Variants in NUP133 observed in about 807,000 individuals in gnomAD.
The protein encoded by NUP133 is nuclear pore complex protein Nup133.
Under a neutral mutation model 146.2 loss-of-function variants are expected in NUP133, and 66 were observed. That is an observed-to-expected ratio of 0.45 (90% CI 0.37 to 0.55). The LOEUF (loss-of-function observed/expected upper bound fraction) is 0.55. Among genes scored for constraint, NUP133 ranks in the 20% least tolerant of loss-of-function variants. The probability of loss-of-function intolerance (pLI) is 0.00; values close to 1 mark genes in which losing one functional copy is unlikely to be tolerated. For missense variants in NUP133, 1,277 were observed against 1,374.8 expected, an observed-to-expected ratio of 0.93 and a Z score of 1.12; for synonymous variants, 521 against 498.8, an observed-to-expected ratio of 1.04 and a Z score of -0.59.
At chr1:229,501,880 T>A in intron 3 of NUP133, 119 bp downstream of exon 3, 1 of 689,540 alleles carries the variant, frequency 1.5e-6, no homozygotes, top group South Asian at 1.9e-5. Context: ...TGCAAACTCT[T>A]AATGCCTAAG....
chr1:229,506,132 T>C lies in NUP133; in HGVS notation c.209A>G (p.His70Arg). Residue 70 changes from histidine (H) to arginine (R), a missense_variant, in exon 2 of 26, where the codon CAC becomes CGC. His to Arg is a conservative substitution (Grantham distance 29, BLOSUM62 0). Around this residue, in one of 3 missense-constraint regions of NUP133, gnomAD observed 319 missense variants for 306.9 expected, o/e 1.04. Transcript: ENST00000261396. ...SRGTPTRMFP[H>R]HSITESVNYD... ...GTTCACAGACTCAGTTATGGAGTGG[T>C]GTGGGAACATTCGTGTTGGTGTTCC... The C allele has an allele frequency of 1.2e-6, 2 of 1,611,874 alleles. No homozygotes were observed. Among genetic ancestry groups the C allele is most frequent in the Non-Finnish European group, 1.7e-6 (2 of 1,178,254 alleles).
chr1:229,485,193 T>C (rs572713460), intron 11 of NUP133, among the ~76,000 whole-genome samples: 6 of 152,294 alleles, frequency 3.9e-5, no homozygotes, highest in African/African-American at 1.2e-4. Context: ...CTTGGAAATA[T>C]CTGTGATACT....
chr1:229,502,390 TCTA>T (rs959548110), intron 2 of NUP133, among the ~76,000 whole-genome samples: 1 of 151,590 alleles, frequency 6.6e-6, no homozygotes, highest in African/African-American at 2.4e-5. Context: ...AAACTCCAAC[TCTA>T]CTAAAACTAC....
intron 19 of NUP133, 123 bp from the exon 20 acceptor site, chr1:229,460,892 T>C: frequency 8.2e-6 from 6 of 736,148 alleles, no homozygotes; most frequent in South Asian, 2.0e-5. Context: ...AATAATTTCC[T>C]ATATTGTAGG....
In NUP133 at chr1:229,446,132, C is replaced by T. The variant is rs192705330; in HGVS notation, c.3246-1130G>A. On this transcript the variant is annotated intron_variant, in intron 24 of 25. Transcript: ENST00000261396. The stretch of plus-strand genomic sequence containing the variant: ...TTGTGAGAAAGTAGTACTTGCCAGG[C>T]GCGGTGGCTCATGTCTGTAATCCCA... 3.3e-5 allele frequency among the ~76,000 whole-genome samples: 5 copies of T among 152,248 alleles called. No individual in the cohort carries two copies. The East Asian group carries it at 5.8e-4, about 18-fold the overall frequency.
At chr1:229,496,286 C>A (rs1357968455) in intron 6 of NUP133, among the ~76,000 whole-genome samples, 1 of 152,018 alleles carries the variant, frequency 6.6e-6, no homozygotes, top group African/African-American at 2.4e-5. Context: ...CCACCCTGGG[C>A]AACATGGTGA....
At chr1:229,467,521 G>C (rs931228610) in intron 15 of NUP133, among the ~76,000 whole-genome samples, 4 of 152,132 alleles carry the variant, frequency 2.6e-5, no homozygotes, top group African/African-American at 9.7e-5. Flanking sequence ...TCTTCCTTTT[G>C]CATTTCTGAT....
At chr1:229,482,287 G>C (rs1400109953) in intron 12 of NUP133, among the ~76,000 whole-genome samples, 1 of 152,114 alleles carries the variant, frequency 6.6e-6, no homozygotes, top group African/African-American at 2.4e-5. Context: ...ACACCAGTAT[G>C]AGTGGGATTA....
chr1:229,444,779 G>A, intron 25 of NUP133, 135 bp downstream of exon 25: 3 of 557,700 alleles, frequency 5.4e-6, no homozygotes, highest in South Asian at 2.6e-5. Context: ...CCCGGGAGGT[G>A]GAGGCTGCAC....
At chr1:229,449,085 G>A in intron 24 of NUP133, 41 bp downstream of exon 24, 1 of 1,473,494 alleles carries the variant, frequency 6.8e-7, no homozygotes, top group South Asian at 1.1e-5. Context: ...AGGAAAAGCA[G>A]TTTCTATACT....
chr1:229,451,665 T>C (rs533222431), intron 22 of NUP133, among the ~76,000 whole-genome samples: 2 of 152,328 alleles, frequency 1.3e-5, no homozygotes, highest in East Asian at 3.9e-4. Context: ...TGTAATCCTT[T>C]AATAGCAACA....
At chr1:229,482,961 T>C (rs776121023) in intron 12 of NUP133, among the ~76,000 whole-genome samples, 2 of 152,112 alleles carry the variant, frequency 1.3e-5, no homozygotes, top group African/African-American at 2.4e-5. Context: ...CCAAAATGAG[T>C]GAGCCTACTC....
chr1:229,469,154 C>T (rs1316971953), intron 15 of NUP133, among the ~76,000 whole-genome samples: 1 of 152,196 alleles, frequency 6.6e-6, no homozygotes, highest in Non-Finnish European at 1.5e-5. Flanking sequence ...ATAAGGAATT[C>T]CAAATTTCAC....
chr1:229,450,040 T>A (rs1038289926), intron 23 of NUP133, among the ~76,000 whole-genome samples: 1 of 147,160 alleles, frequency 6.8e-6, no homozygotes, highest in African/African-American at 2.5e-5. Context: ...ACCATACCCA[T>A]CTAATTTTTT....
chr1:229,477,679 G>A lies in NUP133; in HGVS notation c.1674C>T (p.Asp558=). 6.2e-7 allele frequency: 1 copy of A among 1,613,954 alleles called. No individual in the cohort carries two copies. Among genetic ancestry groups the A allele is most frequent in the South Asian group, 1.1e-5 (1 of 91,066 alleles). ...CTACACTGATTTGGGTAACTGCCCT[G>A]TCTAGTTCAGAATCAGAATCCAAAT... The part of the protein sequence containing the change: ...HSDLDSDSEL[D]RAVTQISVDL... The change falls in exon 13 of 26, where the codon GAC becomes GAT. Residue 558 remains aspartate, a synonymous_variant. Coordinates refer to ENST00000261396, the MANE Select transcript of NUP133 (RefSeq NM_018230.3).
chr1:229,466,996 T>TTTA (rs1660840942), intron 15 of NUP133, among the ~76,000 whole-genome samples: 4 of 151,514 alleles, frequency 2.6e-5, no homozygotes, highest in African/African-American at 9.7e-5. Context: ...TTACTGAGAT[T>TTTA]TTTAAGCGAT....
chr1:229,470,214 T>C (rs564639350), intron 15 of NUP133, among the ~76,000 whole-genome samples: 2 of 151,048 alleles, frequency 1.3e-5, no homozygotes, highest in South Asian at 4.2e-4. Flanking sequence ...GGCTAGCACC[T>C]GTAATCCCAG....
At chr1:229,500,700 C>A in intron 4 of NUP133, 56 bp downstream of exon 4, 1 of 1,021,794 alleles carries the variant, frequency 9.8e-7, no homozygotes, top group Non-Finnish European at 1.5e-6. Flanking sequence ...ATTCCTCTAA[C>A]TTTAGGATGT....
intron 19 of NUP133, among the ~76,000 whole-genome samples, chr1:229,461,869 C>G (rs1660699248): frequency 6.6e-6 from 1 of 151,624 alleles, no homozygotes; most frequent in Admixed American, 6.6e-5. Context: ...ACTAAATAAG[C>G]CATGTCCAAC....
Sources: gnomAD v4.1 joint callset for allele counts (sites outside exome capture counted in the v4.1 genomes callset) on GRCh38, gnomAD v4.1.1 for gene constraint, gnomAD v4.1.1 regional missense constraint, MANE v1.5 for transcripts, NCBI Gene and HGNC (gene_info 2026-07-23, HGNC 2026-07-21) for gene names.